CDC26: variants seen among roughly 807,000 people sequenced by gnomAD.
CDC26 encodes the protein cell division cycle 26, also known as anaphase-promoting complex subunit CDC26.
In CDC26, 2 loss-of-function variants were observed where a neutral mutation model predicts 8.0. That is an observed-to-expected ratio of 0.25 (90% CI 0.10 to 0.79). The LOEUF (loss-of-function observed/expected upper bound fraction) is 0.79. Among genes scored for constraint, CDC26 ranks in the 30% least tolerant of loss-of-function variants. The pLI, the probability that CDC26 is intolerant of heterozygous loss-of-function variation, is 0.70. For missense variants in CDC26, 68 were observed against 106.0 expected, an observed-to-expected ratio of 0.64 and a Z score of 1.57; for synonymous variants, 19 against 34.9, an observed-to-expected ratio of 0.55 and a Z score of 1.60.
chr9:113,272,510 T>A lies in CDC26; in HGVS notation c.-3A>T, dbSNP rs747675582. 1 of 1,606,922 alleles carries A rather than the reference T, an allele frequency of 6.2e-7. No homozygotes were observed. Among genetic ancestry groups the A allele is most frequent in the Admixed American group, 1.7e-5 (1 of 59,990 alleles). On this transcript the variant is annotated 5_prime_UTR_variant, in exon 3 of 4. Transcript: ENST00000374206. Reference sequence around the variant, plus strand: ...CGTGTTGGTTTCCGTCTCAGCATACTGAAGTCAACACTAAGGGCCAAACCC... The same window carrying A: ...CGTGTTGGTTTCCGTCTCAGCATACAGAAGTCAACACTAAGGGCCAAACCC...
chr9:113,267,984 T>C (rs980571644), intron 3 of CDC26, among the ~76,000 whole-genome samples: 1 of 152,036 alleles, frequency 6.6e-6, no homozygotes, highest in Non-Finnish European at 1.5e-5. Flanking sequence ...AGACTCTGTC[T>C]TAAAAAAAAC....
rs777524457 is a variant in CDC26 at position 113,270,823 on chromosome 9, T to C, written c.81+1604A>G. Among the ~76,000 whole-genome samples the C allele has an allele frequency of 1.2e-4, 18 of 152,320 alleles. No individual in the cohort carries two copies. In the South Asian group the frequency reaches 2.3e-3, roughly 19 times the overall value. On this transcript the variant is annotated intron_variant, in intron 3 of 3. Coordinates refer to ENST00000374206, the MANE Select transcript of CDC26 (RefSeq NM_139286.4). The stretch of plus-strand genomic sequence containing the variant: ...AGAACATACAAAATCTTGTAGGCCA[T>C]GGTGAAGAATTCAGATTTTGTTATA...
rs9299214 is a variant in CDC26 at position 113,273,416 on chromosome 9, A to G, written c.-129T>C. 62,620 of 151,976 alleles carry G rather than the reference A, an allele frequency of 0.41. 13,803 individuals are homozygous for G. Among genetic ancestry groups the G allele is most frequent in the African/African-American group, 0.56 (23,135 of 41,416 alleles). The allele number at this position is 151,976 out of a possible 1,614,324, so 9.4% of individuals were successfully genotyped here. A position where few individuals can be genotyped will look rare whatever the true frequency, so the allele number is the denominator to read the frequency against. On this transcript the variant is annotated 5_prime_UTR_variant, in exon 2 of 4. Transcript: ENST00000374206. ...AAACACTTCTTGTGTTCCAGCTACA[A>G]AGTTAAAAGGTACAGTCATAATCTG...
intron 1 of CDC26, among the ~76,000 whole-genome samples, chr9:113,273,805 C>A (rs983899974): frequency 2.2e-5 from 3 of 136,282 alleles, no homozygotes. Flanking sequence ...CATGACCTCA[C>A]CATGAGACCC....
Position 113,273,396 on chromosome 9 carries a change from C to T in CDC26, c.-109G>A, listed in dbSNP as rs1363369603. The T allele has an allele frequency of 1.3e-5, 2 of 152,234 alleles. No homozygotes were observed. The highest frequency in any genetic ancestry group is 4.8e-5 in the African/African-American group (2 of 41,458). 9.4% of individuals were successfully genotyped at this position (152,234 alleles called of 1,614,324 possible). ...GTGTACGTCATTCATTAAACAAACA[C>T]TTCTTGTGTTCCAGCTACAAAGTTA... On this transcript the variant is annotated 5_prime_UTR_variant, in exon 2 of 4. The change creates a new upstream start codon in the 5' untranslated region. Coordinates refer to ENST00000374206, the MANE Select transcript of CDC26 (RefSeq NM_139286.4).
intron 3 of CDC26, among the ~76,000 whole-genome samples, chr9:113,267,738 C>T (rs1831885162): frequency 6.6e-6 from 1 of 152,198 alleles, no homozygotes; most frequent in Admixed American, 6.5e-5. Flanking sequence ...TCTGTAATCC[C>T]AGCCCTTTGG....
In CDC26 at chr9:113,272,488, G is replaced by C. The variant is rs1249776877; in HGVS notation, c.20C>G (p.Thr7Arg). The C allele has an allele frequency of 1.2e-6, 2 of 1,612,568 alleles. No individual in the cohort carries two copies. The highest frequency in any genetic ancestry group is 1.7e-6 in the Non-Finnish European group (2 of 1,178,876). MLRRKP[T>R]RLELKLDDIE... is the part of the protein sequence containing the mutation. ...GTCATCAAGCTTTAGCTCTAGGCGT[G>C]TTGGTTTCCGTCTCAGCATACTGAA... The change falls in exon 3 of 4, where the codon ACA (threonine) becomes AGA (arginine). Residue 7 changes from threonine to arginine, a missense_variant. By Grantham distance (71) the Thr-to-Arg change is moderately conservative. Coordinates refer to ENST00000374206, the MANE Select transcript of CDC26 (RefSeq NM_139286.4).
Position 113,267,120 on chromosome 9 carries a change from C to T in CDC26, c.*143G>A. ...ATTCCAGCTTAGAGTGCAAGTGAAG[C>T]ATCAGTAATCTCATGCAGAAGATTT... On this transcript the variant is annotated 3_prime_UTR_variant, in exon 4 of 4. Transcript: ENST00000374206. The T allele has an allele frequency of 3.9e-6, 2 of 508,914 alleles. No individual in the cohort carries two copies. The highest frequency in any genetic ancestry group is 6.8e-6 in the Non-Finnish European group (2 of 293,868). The allele number at this position is 508,914 out of a possible 1,614,324, so 31.5% of individuals were successfully genotyped here.
At chr9:113,272,691 C>CTTTT (rs367685408) in intron 2 of CDC26, 143 bp from the exon 3 acceptor site, 2 of 354,888 alleles carry the variant, frequency 5.6e-6, no homozygotes, top group Non-Finnish European at 5.2e-6. Context: ...CTTCTAAAGT[C>CTTTT]TTTTTTTTTT....
intron 1 of CDC26, among the ~76,000 whole-genome samples, chr9:113,275,166 A>T (rs1296963673): frequency 2.0e-5 from 3 of 152,034 alleles, no homozygotes; most frequent in African/African-American, 7.2e-5. Flanking sequence ...TCAGAGGGGG[A>T]GCCTGGGAAG....
intron 3 of CDC26, among the ~76,000 whole-genome samples, chr9:113,272,050 A>C (rs1210918398): frequency 6.6e-6 from 1 of 152,104 alleles, no homozygotes; most frequent in Non-Finnish European, 1.5e-5. Flanking sequence ...CTGGCCAGAA[A>C]ATGCTGGCAT....
At chr9:113,267,565 G>A in intron 3 of CDC26, 126 bp from the exon 4 acceptor site, 1 of 1,252,074 alleles carries the variant, frequency 8.0e-7, no homozygotes, top group Non-Finnish European at 1.1e-6. Flanking sequence ...ACAATAAACT[G>A]AAATCCTAGG....
At chr9:113,269,686 G>A (rs778580646) in intron 3 of CDC26, among the ~76,000 whole-genome samples, 5 of 152,088 alleles carry the variant, frequency 3.3e-5, no homozygotes, top group South Asian at 2.1e-4. Flanking sequence ...TATGAGATTC[G>A]TTACAACTGA....
chr9:113,268,398 C>T lies in CDC26; in HGVS notation c.82-959G>A, dbSNP rs1011789285. The stretch of plus-strand genomic sequence containing the variant: ...GGTTTGGCTCCTAAGTCACATGTGA[C>T]TGCAGAATCCAGAAAGTATGTCTTA... On this transcript the variant is annotated intron_variant, in intron 3 of 3. Transcript: ENST00000374206. Among the ~76,000 whole-genome samples, 3 of 152,328 alleles carry T rather than the reference C, an allele frequency of 2.0e-5. No homozygotes were observed. In the South Asian group the frequency reaches 6.2e-4, roughly 32 times the overall value.
At chr9:113,271,849 T>C (rs2118552087) in intron 3 of CDC26, among the ~76,000 whole-genome samples, 1 of 152,290 alleles carries the variant, frequency 6.6e-6, no homozygotes, top group Admixed American at 6.5e-5. Context: ...TATATACATA[T>C]TTATGTATGA....
At chr9:113,269,287 G>A (rs374970920) in intron 3 of CDC26, among the ~76,000 whole-genome samples, 164 of 152,196 alleles carry the variant, frequency 1.1e-3, no homozygotes, top group African/African-American at 3.8e-3. Context: ...AATAAAATAA[G>A]GTATTGCCTT....
chr9:113,269,655 A>C (rs1831923801), intron 3 of CDC26, among the ~76,000 whole-genome samples: 1 of 152,222 alleles, frequency 6.6e-6, no homozygotes, highest in Non-Finnish European at 1.5e-5. Context: ...TGTAGAGTCA[A>C]AGTTCAGCAT....
At chr9:113,268,122 G>A (rs1022075148) in intron 3 of CDC26, among the ~76,000 whole-genome samples, 1 of 152,190 alleles carries the variant, frequency 6.6e-6, no homozygotes, top group Non-Finnish European at 1.5e-5. Flanking sequence ...GAGACAAGAG[G>A]TAAGGAGTTG....
At position 113,274,255 on chromosome 9, in the gene CDC26, A is replaced by C. The variant is rs143418371; in HGVS notation, c.-151-817T>G. On this transcript the variant is annotated intron_variant, in intron 1 of 3. Transcript: ENST00000374206. ...GATAAGCATTAAGTGAAAATGATGGAAGTGAAAACTCCTTGAAAGTATGTA... is the reference window on the plus strand; with the variant it reads ...GATAAGCATTAAGTGAAAATGATGGCAGTGAAAACTCCTTGAAAGTATGTA... Among the ~76,000 whole-genome samples, 614 of 152,340 alleles carry C rather than the reference A, an allele frequency of 4.0e-3. 6 individuals carry two copies. The highest frequency in any genetic ancestry group is 0.014 in the African/African-American group (569 of 41,576).
Sources: allele counts gnomAD v4.1 joint callset (sites outside exome capture counted in the v4.1 genomes callset), GRCh38; gene constraint gnomAD v4.1.1; transcripts MANE v1.5; gene names NCBI Gene and HGNC (gene_info 2026-07-23, HGNC 2026-07-21).